Variants in SUMF1 observed in about 807,000 individuals in gnomAD.
SUMF1 encodes formylglycine-generating enzyme.
A neutral mutation model predicts 47.6 loss-of-function variants in SUMF1; 48 were observed. The observed-to-expected ratio is 1.01, with a 90% CI of 0.80 to 1.28. The LOEUF is 1.28. Ranked by LOEUF, SUMF1 falls within the 50% of genes most tolerant of loss-of-function variation. SUMF1 has a pLI of 0.00. For synonymous variants in SUMF1, 230 were observed against 192.1 expected, an observed-to-expected ratio of 1.20 and a Z score of -1.63; for missense variants, 571 against 485.4, an observed-to-expected ratio of 1.18 and a Z score of -1.66.
intron 8 of SUMF1, among the ~76,000 whole-genome samples, chr3:4,084,696 T>C (rs141766695): frequency 5.3e-4 from 80 of 152,246 alleles, no homozygotes; most frequent in Non-Finnish European, 9.3e-4. Context: ...GCAATATTAC[T>C]TTGTAAATTG....
chr3:4,392,739 C>T (rs711670), intron 7 of SUMF1, among the ~76,000 whole-genome samples: 103,026 of 151,078 alleles, frequency 0.68, 35,432 homozygotes, highest in African/African-American at 0.75. Context: ...GGTTTTTGTT[C>T]TGTTTTGTTT....
At chr3:4,454,796 T>C (rs1406930590) in intron 1 of SUMF1, among the ~76,000 whole-genome samples, 3 of 152,198 alleles carry the variant, frequency 2.0e-5, no homozygotes, top group Admixed American at 6.5e-5. Context: ...GAAAATACTA[T>C]ATTAAGTGAA....
intron 8 of SUMF1, among the ~76,000 whole-genome samples, chr3:4,335,801 A>T (rs1198821960): frequency 6.6e-6 from 1 of 151,810 alleles, no homozygotes; most frequent in Non-Finnish European, 1.5e-5. Context: ...CTCTACTAAA[A>T]ATACAAAAAT....
At chr3:4,057,131 G>A (rs1039294744) in intron 9 of SUMF1, among the ~76,000 whole-genome samples, 1 of 152,128 alleles carries the variant, frequency 6.6e-6, no homozygotes, top group African/African-American at 2.4e-5. Context: ...TGAAATGAGT[G>A]CCAATAAAAG....
intron 8 of SUMF1, among the ~76,000 whole-genome samples, chr3:4,250,340 GGAAGGGAAA>G (rs1696769349): frequency 6.6e-6 from 1 of 151,354 alleles, no homozygotes; most frequent in South Asian, 2.1e-4. Flanking sequence ...GGGAAGGAAG[GGAAGGGAAA>G]GAAAGGAAAG....
chr3:4,099,365 G>A (rs73129167), intron 8 of SUMF1, among the ~76,000 whole-genome samples: 16,235 of 152,016 alleles, frequency 0.11, 1,682 homozygotes, highest in African/African-American at 0.25. Flanking sequence ...AAAACCATAC[G>A]ATCATCTCAA....
intron 8 of SUMF1, among the ~76,000 whole-genome samples, chr3:4,243,476 G>T (rs1696591325): frequency 6.6e-6 from 1 of 152,060 alleles, no homozygotes; most frequent in Admixed American, 6.5e-5. Flanking sequence ...TGTTCTCATT[G>T]GTTTCAAAGA....
intron 8 of SUMF1, among the ~76,000 whole-genome samples, chr3:4,280,515 G>A (rs1329484848): frequency 1.3e-5 from 2 of 151,898 alleles, no homozygotes; most frequent in Admixed American, 1.3e-4. Context: ...CACAGAGGCA[G>A]GAACCCCTTA....
intron 8 of SUMF1, among the ~76,000 whole-genome samples, chr3:4,339,440 A>G (rs1001093379): frequency 1.3e-5 from 2 of 152,210 alleles, no homozygotes; most frequent in African/African-American, 2.4e-5. Flanking sequence ...TTGGGCTGCA[A>G]TGAAATCTCA....
intron 8 of SUMF1, among the ~76,000 whole-genome samples, chr3:4,180,670 T>C (rs1695075302): frequency 5.6e-5 from 1 of 17,854 alleles, no homozygotes; most frequent in South Asian, 1.1e-3. Flanking sequence ...TGTGCACATG[T>C]ACCCTAGAAC....
At chr3:4,245,213 T>A (rs1024559214) in intron 8 of SUMF1, among the ~76,000 whole-genome samples, 4 of 151,774 alleles carry the variant, frequency 2.6e-5, no homozygotes, top group Admixed American at 1.3e-4. Flanking sequence ...AAGTTTGTTA[T>A]TACTGACTTT....
intron 3 of SUMF1, among the ~76,000 whole-genome samples, chr3:4,434,306 C>G (rs998130907): frequency 1.3e-5 from 2 of 152,160 alleles, no homozygotes; most frequent in African/African-American, 4.8e-5. Flanking sequence ...CACACACATA[C>G]AAAGTATGTT....
intron 3 of SUMF1, among the ~76,000 whole-genome samples, chr3:4,422,628 T>C (rs1701938386): frequency 1.3e-5 from 2 of 152,140 alleles, no homozygotes; most frequent in Non-Finnish European, 2.9e-5. Context: ...TTGGCAAATA[T>C]ATGTACGCAT....
At chr3:4,034,668 A>G (rs1480153860) in intron 9 of SUMF1, among the ~76,000 whole-genome samples, 1 of 152,080 alleles carries the variant, frequency 6.6e-6, no homozygotes, top group Admixed American at 6.6e-5. Flanking sequence ...ATCAGCAAAT[A>G]TTCCGTGGCA....
At chr3:4,097,996 A>G (rs1692944812) in intron 8 of SUMF1, among the ~76,000 whole-genome samples, 1 of 152,124 alleles carries the variant, frequency 6.6e-6, no homozygotes, top group South Asian at 2.1e-4. Context: ...AATGGCCATG[A>G]TTTTTCAGGC....
intron 8 of SUMF1, among the ~76,000 whole-genome samples, chr3:4,239,749 G>C (rs180852895): frequency 6.6e-6 from 1 of 152,194 alleles, no homozygotes; most frequent in African/African-American, 2.4e-5. Context: ...TTTCCTAATT[G>C]AATACCCTTT....
chr3:4,413,348 T>C (rs1701606262), intron 6 of SUMF1, among the ~76,000 whole-genome samples: 1 of 152,088 alleles, frequency 6.6e-6, no homozygotes, highest in Non-Finnish European at 1.5e-5. Context: ...CAACTTAACC[T>C]ATATGGGTGC....
rs1697450052 is a variant in SUMF1 at position 4,277,842 on chromosome 3, C to T, written c.1014+98488G>A. ...AGCTTCCTCTGGGGTCTCCCATTTCCACAAGTACCTTTAAACAGGGCCCAT... is the reference window on the plus strand; with the variant it reads ...AGCTTCCTCTGGGGTCTCCCATTTCTACAAGTACCTTTAAACAGGGCCCAT... On this transcript the variant is annotated intron_variant and NMD_transcript_variant, in intron 8 of 12. Transcript: ENST00000448413. Among the ~76,000 whole-genome samples, 5 of 152,014 alleles carry T rather than the reference C, an allele frequency of 3.3e-5. No individual in the cohort carries two copies. In the South Asian group the frequency reaches 8.3e-4, roughly 25 times the overall value.
intron 8 of SUMF1, among the ~76,000 whole-genome samples, chr3:4,294,342 C>T (rs1697800928): frequency 6.6e-6 from 1 of 152,144 alleles, no homozygotes; most frequent in Admixed American, 6.5e-5. Flanking sequence ...GCAGAGGGAT[C>T]ATCTGAGCCC....
Sources: gnomAD v4.1 joint callset for allele counts (sites outside exome capture counted in the v4.1 genomes callset) on GRCh38, gnomAD v4.1.1 for gene constraint, MANE v1.5 for transcripts, NCBI Gene and HGNC (gene_info 2026-07-23, HGNC 2026-07-21) for gene names.